Variants in ADGRB3 observed in about 807,000 individuals in gnomAD.
ADGRB3 encodes the protein adhesion G protein-coupled receptor B3.
A neutral mutation model predicts 193.4 loss-of-function variants in ADGRB3; 37 were observed. The observed-to-expected ratio is 0.19, with a 90% CI of 0.15 to 0.25. The LOEUF is 0.25. Among genes scored for constraint, ADGRB3 ranks in the 10% least tolerant of loss-of-function variants. ADGRB3 has a pLI of 1.00. For synonymous variants in ADGRB3, 690 were observed against 644.2 expected (o/e 1.07, Z -1.08); for missense variants, 1,637 against 1,852.9 (o/e 0.88, Z 2.14).
intron 12 of ADGRB3, among the ~76,000 whole-genome samples, chr6:69,018,169 G>C (rs1330094585): frequency 6.6e-6 from 1 of 151,778 alleles, no homozygotes; most frequent in Non-Finnish European, 1.5e-5. Context: ...AGATTTATGA[G>C]GGATTAATCA....
intron 13 of ADGRB3, 27 bp from the exon 14 acceptor site, chr6:69,048,158 T>C: frequency 1.2e-6 from 2 of 1,600,494 alleles, no homozygotes; most frequent in Non-Finnish European, 1.7e-6. Flanking sequence ...GCAAGTTTAA[T>C]TGAAATTATT....
chr6:69,050,998 A>G (rs1433664196), intron 15 of ADGRB3, among the ~76,000 whole-genome samples: 1 of 152,218 alleles, frequency 6.6e-6, no homozygotes, highest in Non-Finnish European at 1.5e-5. Context: ...AAATGAAGTC[A>G]GGTTATTCCA....
At chr6:69,123,619 G>A (rs1307538028) in intron 17 of ADGRB3, among the ~76,000 whole-genome samples, 1 of 152,156 alleles carries the variant, frequency 6.6e-6, no homozygotes, top group Non-Finnish European at 1.5e-5. Context: ...CAATAATGGG[G>A]TGATAAGAAT....
At position 68,898,741 on chromosome 6, in the gene ADGRB3, A is replaced by C. The variant is rs76997473; in HGVS notation, c.758-31818A>C. ...ACTAAGCTATCAACAGGGATAATTCATGTTCATTACATGTACCCTTGATGT... is the reference window on the plus strand; with the variant it reads ...ACTAAGCTATCAACAGGGATAATTCCTGTTCATTACATGTACCCTTGATGT... On this transcript the variant is annotated intron_variant, in intron 3 of 31. Transcript: ENST00000370598. 2.0e-4 allele frequency among the ~76,000 whole-genome samples: 31 copies of C among 152,260 alleles called. No homozygotes were observed. The East Asian group carries it at 5.2e-3, about 26-fold the overall frequency.
Position 69,316,943 on chromosome 6 carries a change from T to G in ADGRB3, c.2815-7929T>G, listed in dbSNP as rs187417978. 3.0e-4 allele frequency among the ~76,000 whole-genome samples: 45 copies of G among 151,548 alleles called. No individual in the cohort carries two copies. In the Admixed American group the frequency reaches 3.0e-3, roughly 10 times the overall value. On this transcript the variant is annotated intron_variant, in intron 20 of 31. Transcript: ENST00000370598. ...TAAGAGAGTGAATACATAAGATAAC[T>G]AAAGGAAGAGAATGTAGAGATACTA...
At chr6:68,787,775 A>T (rs576281241) in intron 3 of ADGRB3, among the ~76,000 whole-genome samples, 353 of 152,244 alleles carry the variant, frequency 2.3e-3, no homozygotes, top group African/African-American at 8.1e-3. Context: ...CTGTGAATCC[A>T]TCTGGTCCTG....
chr6:69,144,919 T>TTTCTTTCTTTC (rs1429794078), intron 17 of ADGRB3, among the ~76,000 whole-genome samples: 3 of 23,146 alleles, frequency 1.3e-4, no homozygotes, highest in Non-Finnish European at 2.3e-4. Context: ...TTCTTTCTTT[T>TTTCTTTCTTTC]TCTTTTTATA....
At chr6:68,714,160 C>G (rs1434120703) in intron 3 of ADGRB3, among the ~76,000 whole-genome samples, 3 of 151,492 alleles carry the variant, frequency 2.0e-5, no homozygotes, top group Admixed American at 2.0e-4. Context: ...TACTTGCATG[C>G]CTTTGTGGTA....
At chr6:68,955,627 T>TA (rs200959202) in intron 6 of ADGRB3, among the ~76,000 whole-genome samples, 2,142 of 152,210 alleles carry the variant, frequency 0.014, 25 homozygotes, top group South Asian at 0.028. Context: ...CTGTCTCTAC[T>TA]AAAAATACAA....
intron 17 of ADGRB3, among the ~76,000 whole-genome samples, chr6:69,105,737 G>A (rs945815187): frequency 7.9e-5 from 12 of 152,204 alleles, no homozygotes; most frequent in Non-Finnish European, 1.6e-4. Flanking sequence ...GGGCAGGGCA[G>A]ATGGAGTAGC....
intron 3 of ADGRB3, among the ~76,000 whole-genome samples, chr6:68,866,999 C>T (rs1765314239): frequency 1.3e-5 from 2 of 152,158 alleles, no homozygotes; most frequent in African/African-American, 2.4e-5. Flanking sequence ...AATTTGCAGA[C>T]TGACCATGTG....
chr6:68,774,685 T>C (rs1266160702), intron 3 of ADGRB3, among the ~76,000 whole-genome samples: 1 of 152,108 alleles, frequency 6.6e-6, no homozygotes, highest in Non-Finnish European at 1.5e-5. Flanking sequence ...CAGTTACTTA[T>C]TTGTTTCTAA....
intron 3 of ADGRB3, among the ~76,000 whole-genome samples, chr6:68,809,464 G>A (rs1767469852): frequency 6.6e-6 from 1 of 152,136 alleles, no homozygotes; most frequent in African/African-American, 2.4e-5. Flanking sequence ...CTAAATAATA[G>A]ACAATGGTGG....
intron 8 of ADGRB3, among the ~76,000 whole-genome samples, chr6:68,968,966 A>G (rs1768475207): frequency 6.6e-6 from 1 of 152,170 alleles, no homozygotes; most frequent in South Asian, 2.1e-4. Context: ...CATACTGAAC[A>G]GTGAAAATAT....
chr6:68,738,898 GA>G (rs1765924525), intron 3 of ADGRB3, among the ~76,000 whole-genome samples: 1 of 152,182 alleles, frequency 6.6e-6, no homozygotes. Context: ...TGTAAATAGA[GA>G]AGGGGTCTGA....
At chr6:69,261,834 G>C (rs1034296259) in intron 20 of ADGRB3, among the ~76,000 whole-genome samples, 1 of 151,808 alleles carries the variant, frequency 6.6e-6, no homozygotes, top group Non-Finnish European at 1.5e-5. Flanking sequence ...AAAAACTAAA[G>C]GTTCGTTAAG....
At position 69,233,337 on chromosome 6, in the gene ADGRB3, T is replaced by G; in HGVS notation, c.2528T>G (p.Leu843Arg). 1.2e-6 allele frequency: 2 copies of G among 1,614,118 alleles called. No individual in the cohort carries two copies. Among genetic ancestry groups the G allele is most frequent in the Non-Finnish European group, 1.7e-6 (2 of 1,180,018 alleles). ...TCCACCCAGGGATGTAAAACTGTGC[T>G]TACCGATGCATCCCATACGAAATGC... ...TWSTQGCKTV[L>R]TDASHTKCLC... The change falls in exon 18 of 32, where the codon CTT (leucine) becomes CGT (arginine). Residue 843 changes from leucine to arginine, a missense_variant. Transcript: ENST00000370598.
intron 17 of ADGRB3, among the ~76,000 whole-genome samples, chr6:69,107,988 C>T (rs141719899): frequency 6.7e-6 from 1 of 150,124 alleles, no homozygotes; most frequent in East Asian, 2.0e-4. Context: ...CAGTACCATG[C>T]AATGAATCTA....
At chr6:69,288,081 A>T (rs936088856) in intron 20 of ADGRB3, among the ~76,000 whole-genome samples, 12 of 151,786 alleles carry the variant, frequency 7.9e-5, no homozygotes, top group African/African-American at 2.9e-4. Context: ...AAGTTCTGGG[A>T]TACATGTGCA....
Sources: gnomAD v4.1 joint callset for allele counts (sites outside exome capture counted in the v4.1 genomes callset) on GRCh38, gnomAD v4.1.1 for gene constraint, MANE v1.5 for transcripts, NCBI Gene and HGNC (gene_info 2026-07-23, HGNC 2026-07-21) for gene names.